WDR70: variants seen among roughly 807,000 people sequenced by gnomAD.
The protein encoded by WDR70 is WD repeat-containing protein 70.
In WDR70, 53 loss-of-function variants were observed where a neutral mutation model predicts 88.6. The ratio of observed to expected loss-of-function variants is 0.60; its 90% CI spans 0.48 to 0.75. WDR70 has a LOEUF of 0.75. Among genes scored for constraint, WDR70 ranks in the 30% least tolerant of loss-of-function variants. The probability of loss-of-function intolerance (pLI) is 0.00; values close to 1 mark genes in which losing one functional copy is unlikely to be tolerated. For synonymous variants in WDR70, 280 were observed against 270.0 expected, an observed-to-expected ratio of 1.04 and a Z score of -0.36; for missense variants, 610 against 823.2, an observed-to-expected ratio of 0.74 and a Z score of 3.17.
At chr5:37,722,456 G>A (rs906361258) in intron 14 of WDR70, 149 of 199,612 alleles carry the variant, frequency 7.5e-4, no homozygotes, top group African/African-American at 3.3e-3. Flanking sequence ...GTGGACATAT[G>A]CCATTTGGGG....
chr5:37,673,633 G>A lies in WDR70; in HGVS notation c.1093-24022G>A, dbSNP rs562291282. 2.5e-5 allele frequency among the ~76,000 whole-genome samples: 3 copies of A among 120,680 alleles called. No individual in the cohort carries two copies. In the East Asian group the frequency reaches 7.4e-4, roughly 30 times the overall value. 79.2% of individuals were successfully genotyped at this position (120,680 alleles called of 152,430 possible). A position where few individuals can be genotyped will look rare whatever the true frequency, so the allele number is the denominator to read the frequency against. On this transcript the variant is annotated intron_variant, in intron 10 of 17. Coordinates refer to ENST00000265107, the MANE Select transcript of WDR70 (RefSeq NM_018034.4). ...TTTCCAACTTTTATTTGAAGTTCAG[G>A]GGTACATGTGCAGGATGTGCAGGTT...
In WDR70 at chr5:37,449,614, A is replaced by AAT. The variant is rs1554140453; in HGVS notation, c.686+6243_686+6244insTA. ...TCAAAAAAAAAAAAATAAAAAATAA[A>AAT]AAATAAATAAATAAATAAATAAAAT... On this transcript the variant is annotated intron_variant, in intron 7 of 17. Coordinates refer to ENST00000265107, the MANE Select transcript of WDR70 (RefSeq NM_018034.4). Among the ~76,000 whole-genome samples, 196 of 120,778 alleles carry AAT rather than the reference A, an allele frequency of 1.6e-3. 1 individual carries two copies. Among genetic ancestry groups the AAT allele is most frequent in the African/African-American group, 5.7e-3 (193 of 34,040 alleles). The allele number at this position is 120,778 out of a possible 152,430, so 79.2% of individuals were successfully genotyped here.
chr5:37,444,204 T>A (rs1037955191), intron 7 of WDR70, among the ~76,000 whole-genome samples: 8 of 151,918 alleles, frequency 5.3e-5, no homozygotes, highest in Non-Finnish European at 7.4e-5. Flanking sequence ...TCCAATTAAT[T>A]CTGAGAAATG....
In WDR70 at chr5:37,734,139, T is replaced by C. The variant is rs1728469475; in HGVS notation, c.1877+7094T>C. Among the ~76,000 whole-genome samples, 3 of 152,214 alleles carry C rather than the reference T, an allele frequency of 2.0e-5. No homozygotes were observed. The South Asian group carries it at 6.2e-4, about 32-fold the overall frequency. On this transcript the variant is annotated intron_variant, in intron 17 of 17. Transcript: ENST00000265107. ...AAGTGTACCTCCTCCTTTCCAATTT[T>C]TATACCTACTATTTCTTTTTATCTG...
At position 37,416,284 on chromosome 5, in the gene WDR70, G is replaced by A. The variant is rs866417092; in HGVS notation, c.492+19714G>A. ...GGCACCTCGGGAGGCCGAGGCTGGC[G>A]GATCACTCGCTGTTAGGAGCTGGAG... On this transcript the variant is annotated intron_variant, in intron 5 of 17. Transcript: ENST00000265107. Among the ~76,000 whole-genome samples the A allele has an allele frequency of 2.0e-5, 3 of 152,202 alleles. No individual in the cohort carries two copies. The South Asian group carries it at 6.2e-4, about 31-fold the overall frequency.
At chr5:37,557,956 T>TACTCTTTTGAAAACTCTTC (rs1561900797) in intron 9 of WDR70, among the ~76,000 whole-genome samples, 2 of 145,032 alleles carry the variant, frequency 1.4e-5, no homozygotes, top group Admixed American at 6.8e-5. Flanking sequence ...TTCAAAAGAG[T>TACTCTTTTGAAAACTCTTC]ATTATGTATA....
Position 37,645,111 on chromosome 5 carries a change from A to T in WDR70, c.1092+39873A>T, listed in dbSNP as rs149919232. Reference sequence around the variant, plus strand: ...TTTCTTTTTTGATGTAAGTGCTTATAGCTATAAACGTTCCTCTTGGTACTG... The same window carrying T: ...TTTCTTTTTTGATGTAAGTGCTTATTGCTATAAACGTTCCTCTTGGTACTG... On this transcript the variant is annotated intron_variant, in intron 10 of 17. Transcript: ENST00000265107. Among the ~76,000 whole-genome samples, 1,063 of 151,092 alleles carry T rather than the reference A, an allele frequency of 7.0e-3. 13 individuals carry two copies. Among genetic ancestry groups the T allele is most frequent in the African/African-American group, 0.024 (1,011 of 41,298 alleles).
chr5:37,710,200 A>T (rs902798676), intron 13 of WDR70, among the ~76,000 whole-genome samples: 1 of 152,166 alleles, frequency 6.6e-6, no homozygotes, highest in Non-Finnish European at 1.5e-5. Context: ...TTATTATTTT[A>T]AAAAATTATG....
chr5:37,569,850 A>G (rs1742850016), intron 9 of WDR70, among the ~76,000 whole-genome samples: 1 of 152,148 alleles, frequency 6.6e-6, no homozygotes, highest in Non-Finnish European at 1.5e-5. Context: ...TAAAGGATGG[A>G]TTGGGAATTG....
chr5:37,643,445 T>G (rs1397347745), intron 10 of WDR70, among the ~76,000 whole-genome samples: 1 of 151,998 alleles, frequency 6.6e-6, no homozygotes, highest in Non-Finnish European at 1.5e-5. Flanking sequence ...TCTTTTTGTT[T>G]AGGATAGCTT....
intron 10 of WDR70, among the ~76,000 whole-genome samples, chr5:37,620,589 T>C (rs532630701): frequency 1.2e-4 from 19 of 152,310 alleles, no homozygotes; most frequent in South Asian, 4.1e-4. Flanking sequence ...GAGTTAACCA[T>C]AGCAATTCCT....
intron 10 of WDR70, among the ~76,000 whole-genome samples, chr5:37,681,557 C>CT (rs113786300): frequency 2.0e-5 from 3 of 152,072 alleles, no homozygotes; most frequent in African/African-American, 7.2e-5. Flanking sequence ...ATGATGTTGG[C>CT]TGTGGGTTTG....
chr5:37,517,831 G>A (rs57898883), intron 9 of WDR70, among the ~76,000 whole-genome samples: 38,437 of 113,216 alleles, frequency 0.34, 5,587 homozygotes, highest in East Asian at 0.58. Flanking sequence ...AACTCTTTTA[G>A]TTATTTTATT....
chr5:37,699,979 A>C (rs996777640), intron 11 of WDR70, among the ~76,000 whole-genome samples: 2 of 151,978 alleles, frequency 1.3e-5, no homozygotes, highest in Non-Finnish European at 2.9e-5. Context: ...CAAAAACAAA[A>C]AAAAAAACAG....
intron 10 of WDR70, among the ~76,000 whole-genome samples, chr5:37,615,103 C>A (rs545918262): frequency 6.6e-6 from 1 of 151,890 alleles, no homozygotes; most frequent in East Asian, 1.9e-4. Context: ...TTAAAATCTC[C>A]TGGAAAGTAT....
intron 10 of WDR70, among the ~76,000 whole-genome samples, chr5:37,640,530 T>G (rs962650102): frequency 2.0e-5 from 3 of 152,228 alleles, no homozygotes; most frequent in Non-Finnish European, 4.4e-5. Context: ...GACATTTAGA[T>G]CTACAGACTT....
In WDR70 at chr5:37,438,170, G is replaced by A. The variant is rs527983331; in HGVS notation, c.552+189G>A. Among the ~76,000 whole-genome samples the A allele has an allele frequency of 8.2e-4, 125 of 152,106 alleles. 1 individual carries two copies. Among genetic ancestry groups the A allele is most frequent in the Admixed American group, 2.4e-3 (36 of 15,274 alleles). ...TAGCCATTTCCTTTTAGTTAAAATA[G>A]GAACAATTATTGTCACTGTTATTGT... is the stretch of plus-strand genomic sequence containing the variant. On this transcript the variant is annotated intron_variant, in intron 6 of 17. Transcript: ENST00000265107.
intron 9 of WDR70, among the ~76,000 whole-genome samples, chr5:37,570,250 G>C (rs1742863761): frequency 6.6e-6 from 1 of 152,108 alleles, no homozygotes; most frequent in African/African-American, 2.4e-5. Flanking sequence ...AATCAAGGAT[G>C]GTGTTCAGGT....
At chr5:37,538,850 C>G (rs1233644744) in intron 9 of WDR70, among the ~76,000 whole-genome samples, 3 of 152,126 alleles carry the variant, frequency 2.0e-5, no homozygotes, top group Admixed American at 6.5e-5. Context: ...TTAAAAAATG[C>G]TTACTTATCC....
Sources: gnomAD v4.1 joint callset for allele counts (sites outside exome capture counted in the v4.1 genomes callset) on GRCh38, gnomAD v4.1.1 for gene constraint, MANE v1.5 for transcripts, NCBI Gene and HGNC (gene_info 2026-07-23, HGNC 2026-07-21) for gene names.